The following CLEC4A variants were observed in gnomAD, a reference collection of about 807,000 sequenced individuals.
CLEC4A encodes the protein C-type lectin domain family 4 member A.
A neutral mutation model predicts 32.7 loss-of-function variants in CLEC4A; 27 were observed. The ratio of observed to expected loss-of-function variants is 0.83; its 90% CI spans 0.61 to 1.14. The LOEUF is 1.14. Among genes scored for constraint, CLEC4A ranks in the 50% most tolerant of loss-of-function variants. CLEC4A has a pLI of 0.00. For missense variants in CLEC4A, 253 were observed against 274.6 expected (o/e 0.92, Z 0.55); for synonymous variants, 89 against 93.7 (o/e 0.95, Z 0.29).
chr12:8,123,950 C>T lies in CLEC4A; in HGVS notation c.72C>T (p.Ala24=). 6.2e-7 allele frequency: 1 copy of T among 1,605,258 alleles called. No homozygotes were observed. The highest frequency in any genetic ancestry group is 2.2e-5 in the East Asian group (1 of 44,842). Residue 24 remains alanine, a synonymous_variant, in exon 1 of 6, where the codon GCC becomes GCT. Coordinates refer to ENST00000229332, the MANE Select transcript of CLEC4A (RefSeq NM_016184.4). The stretch of plus-strand genomic sequence containing the variant: ...TCAAGTCCTCAGGCATCAACACAGC[C>T]TCTTCTGCAGGTAAAGATCATTTTC... ...NEFKSSGINT[A]SSAASKERTA...
chr12:8,105,220 C>T, the CLEC4A span, among the ~76,000 whole-genome samples: 1 of 152,144 alleles, frequency 6.6e-6, no homozygotes, highest in Admixed American at 6.5e-5. Context: ...TCCCTTTTTC[C>T]TGCAGCCTCA....
the CLEC4A span, among the ~76,000 whole-genome samples, chr12:8,117,381 G>A: frequency 6.6e-6 from 1 of 152,124 alleles, no homozygotes; most frequent in South Asian, 2.1e-4. Flanking sequence ...TGGGATTACA[G>A]GTGCTCATCA....
chr12:8,134,788 G>A (rs752648943), intron 3 of CLEC4A: 4 of 1,552,440 alleles, frequency 2.6e-6, no homozygotes, highest in African/African-American at 1.4e-5. Flanking sequence ...GGCCCCCCTG[G>A]CCCATCACCT....
In CLEC4A at chr12:8,134,979, G is replaced by GTTTTTTTTTTTTTTTTTTTTTTTT. The variant is rs1591611840; in HGVS notation, c.299-600_299-599insTTTTTTTTTTTTTTTTTTTTTTTT. On this transcript the variant is annotated intron_variant, in intron 3 of 5. Coordinates refer to ENST00000229332, the MANE Select transcript of CLEC4A (RefSeq NM_016184.4). ...TGTATCTTCTTGTTGAAGCGTTTTTGTTTTTTGTTTTTTTTTAATCATGGC... is the reference window on the plus strand; with the variant it reads ...TGTATCTTCTTGTTGAAGCGTTTTTGTTTTTTTTTTTTTTTTTTTTTTTTTTTTTTGTTTTTTTTTAATCATGGC... The GTTTTTTTTTTTTTTTTTTTTTTTT allele has an allele frequency of 3.6e-4, 60 of 166,002 alleles. 8 individuals are homozygous for GTTTTTTTTTTTTTTTTTTTTTTTT. The highest frequency in any genetic ancestry group is 1.8e-3 in the Admixed American group (7 of 3,954). The allele number at this position is 166,002 out of a possible 1,614,324, so 10.3% of individuals were successfully genotyped here.
upstream of CLEC4A, among the ~76,000 whole-genome samples, chr12:8,122,049 T>C (rs1445364396): frequency 6.6e-6 from 1 of 151,974 alleles, no homozygotes; most frequent in Non-Finnish European, 1.5e-5. Flanking sequence ...AAGGAGGGTG[T>C]CCATGTGGTG....
At chr12:8,114,126 T>A in the CLEC4A span, among the ~76,000 whole-genome samples, 2 of 152,220 alleles carry the variant, frequency 1.3e-5, no homozygotes, top group African/African-American at 4.8e-5. Flanking sequence ...AAGGTGAAGA[T>A]ATGATACCTA....
At chr12:8,130,358 T>G (rs1947977880) in intron 3 of CLEC4A, among the ~76,000 whole-genome samples, 1 of 152,022 alleles carries the variant, frequency 6.6e-6, no homozygotes, top group Non-Finnish European at 1.5e-5. Context: ...TTATTTAAAT[T>G]AATAGATTAT....
At chr12:8,108,843 C>A in the CLEC4A span, among the ~76,000 whole-genome samples, 1 of 138,568 alleles carries the variant, frequency 7.2e-6, no homozygotes, top group Non-Finnish European at 1.6e-5. Context: ...CAAAATAATG[C>A]ATTAAGACCC....
intron 2 of CLEC4A, among the ~76,000 whole-genome samples, chr12:8,126,310 T>A (rs1947901037): frequency 6.6e-6 from 1 of 151,944 alleles, no homozygotes; most frequent in African/African-American, 2.4e-5. Context: ...GTTCAAGCGA[T>A]TCTCCCACCC....
At chr12:8,134,696 C>A in intron 3 of CLEC4A, 3 of 1,573,716 alleles carry the variant, frequency 1.9e-6, no homozygotes, top group Non-Finnish European at 2.6e-6. Context: ...CAGAGCCTGG[C>A]CCAAACCCCG....
chr12:8,104,941 G>A, the CLEC4A span, among the ~76,000 whole-genome samples: 1 of 152,114 alleles, frequency 6.6e-6, no homozygotes, highest in Non-Finnish European at 1.5e-5. Context: ...ATTCCATAGT[G>A]TATATATACC....
At chr12:8,130,915 C>T (rs1237216101) in intron 3 of CLEC4A, among the ~76,000 whole-genome samples, 1 of 152,080 alleles carries the variant, frequency 6.6e-6, no homozygotes, top group Non-Finnish European at 1.5e-5. Flanking sequence ...ATAGGATCCC[C>T]ATCCAGAACA....
the CLEC4A span, among the ~76,000 whole-genome samples, chr12:8,108,715 CA>C: frequency 6.6e-6 from 1 of 152,084 alleles, no homozygotes; most frequent in Admixed American, 6.6e-5. Flanking sequence ...GGTATATTTT[CA>C]AAAAAGCTCT....
chr12:8,138,363 C>T lies in CLEC4A; in HGVS notation c.*76C>T, dbSNP rs7968491. On this transcript the variant is annotated 3_prime_UTR_variant, in exon 6 of 6. Transcript: ENST00000229332. ...GGATAGATAATAAGCTCTTCTTATT[C>T]ATGTGTAAGGGAGGTCCATAGAATT... is the stretch of plus-strand genomic sequence containing the variant. 15,178 of 1,536,020 alleles carry T rather than the reference C, an allele frequency of 9.9e-3. 797 individuals carry two copies. In the African/African-American group the frequency reaches 0.14, roughly 14 times the overall value.
At chr12:8,135,910 A>C (rs1245009919) in intron 4 of CLEC4A, among the ~76,000 whole-genome samples, 174 bp downstream of exon 4, 2 of 152,246 alleles carry the variant, frequency 1.3e-5, no homozygotes, top group Non-Finnish European at 2.9e-5. Flanking sequence ...TTCCTGCTTC[A>C]GTAAAACTAA....
chr12:8,116,232 G>T, the CLEC4A span, among the ~76,000 whole-genome samples: 1 of 152,086 alleles, frequency 6.6e-6, no homozygotes, highest in African/African-American at 2.4e-5. Context: ...AGAGTGCTAG[G>T]ATTACAGGTG....
the CLEC4A span, among the ~76,000 whole-genome samples, chr12:8,114,301 G>A: frequency 6.6e-6 from 1 of 152,030 alleles, no homozygotes; most frequent in Non-Finnish European, 1.5e-5. Flanking sequence ...CTGGAGTGCA[G>A]TGGCGTGATC....
chr12:8,112,595 GT>G, the CLEC4A span, among the ~76,000 whole-genome samples: 1 of 150,552 alleles, frequency 6.6e-6, no homozygotes, highest in African/African-American at 2.4e-5. Flanking sequence ...TTTTTTTCAT[GT>G]GTTGTCATGT....
the CLEC4A span, among the ~76,000 whole-genome samples, chr12:8,105,715 T>A: frequency 2.0e-5 from 3 of 152,198 alleles, no homozygotes; most frequent in Admixed American, 2.0e-4. Flanking sequence ...CCTGTTCTTG[T>A]CCTTTGCCCA....
Sources: allele counts gnomAD v4.1 joint callset (sites outside exome capture counted in the v4.1 genomes callset), GRCh38; gene constraint gnomAD v4.1.1; transcripts MANE v1.5; gene names NCBI Gene and HGNC (gene_info 2026-07-23, HGNC 2026-07-21).